PRKAG2: variants seen among roughly 807,000 people sequenced by gnomAD.
PRKAG2 encodes the protein protein kinase AMP-activated non-catalytic subunit gamma 2.
Under a neutral mutation model 69.6 loss-of-function variants are expected in PRKAG2, and 26 were observed. The observed-to-expected ratio is 0.37, with a 90% CI of 0.27 to 0.52. The LOEUF (loss-of-function observed/expected upper bound fraction) is 0.52, where lower values mean the gene tolerates loss of function less well. PRKAG2 is among the 20% of genes least tolerant of loss of function. The pLI is 0.90. For synonymous variants in PRKAG2, 293 were observed against 285.0 expected (o/e 1.03, Z -0.28); for missense variants, 557 against 740.0 (o/e 0.75, Z 2.87).
chr7:151,772,275 C>T (rs1196137772), intron 3 of PRKAG2, among the ~76,000 whole-genome samples: 1 of 152,210 alleles, frequency 6.6e-6, no homozygotes, highest in Non-Finnish European at 1.5e-5. Flanking sequence ...ATGCCCCTTT[C>T]AGGGGGTCAT....
rs891285884 is a variant in PRKAG2 at position 151,614,915 on chromosome 7, C to T, written c.754+17154G>A. On this transcript the variant is annotated intron_variant, in intron 5 of 15. Transcript: ENST00000287878. The surrounding 1 kb of genome is among the most constrained non-coding windows in gnomAD (Gnocchi z 4.4). Reference sequence around the variant, plus strand: ...GGCCATGTGGATCCAGAGGGAACCTCGAGAGAGGAGCCGTGTGGATCTAGA... The same window carrying T: ...GGCCATGTGGATCCAGAGGGAACCTTGAGAGAGGAGCCGTGTGGATCTAGA... Among the ~76,000 whole-genome samples, 3 of 152,196 alleles carry T rather than the reference C, an allele frequency of 2.0e-5. No homozygotes were observed. The highest frequency in any genetic ancestry group is 1.9e-4 in the East Asian group (1 of 5,192).
At chr7:151,715,847 G>A (rs1774552225) in intron 3 of PRKAG2, among the ~76,000 whole-genome samples, 2 of 152,126 alleles carry the variant, frequency 1.3e-5, no homozygotes, top group African/African-American at 2.4e-5. Flanking sequence ...GGCGGGGCGG[G>A]GCAAGGAGCC....
intron 1 of PRKAG2, among the ~76,000 whole-genome samples, chr7:151,872,923 G>A (rs1168032844): frequency 6.6e-6 from 1 of 152,238 alleles, no homozygotes; most frequent in Non-Finnish European, 1.5e-5. Context: ...TGGTCTTCAA[G>A]GCAGCATTGC....
At chr7:151,827,176 T>C (rs1023381841) in intron 1 of PRKAG2, among the ~76,000 whole-genome samples, 6 of 152,150 alleles carry the variant, frequency 3.9e-5, no homozygotes, top group Non-Finnish European at 8.8e-5. Flanking sequence ...GGTCTCAGAG[T>C]TTCTCATTTA....
intron 1 of PRKAG2, among the ~76,000 whole-genome samples, chr7:151,847,309 G>A (rs929617630): frequency 1.8e-4 from 27 of 152,160 alleles, no homozygotes; most frequent in Non-Finnish European, 2.9e-5. Flanking sequence ...CTGAGCTGCC[G>A]GTAATTTTCC....
intron 3 of PRKAG2, among the ~76,000 whole-genome samples, chr7:151,732,114 C>T (rs767471666): frequency 2.7e-5 from 4 of 146,542 alleles, no homozygotes; most frequent in Non-Finnish European, 5.9e-5. Context: ...GGATCACAGG[C>T]ATGAGCCACA....
At chr7:151,843,147 C>CT (rs1252401081) in intron 1 of PRKAG2, among the ~76,000 whole-genome samples, 2 of 151,694 alleles carry the variant, frequency 1.3e-5, no homozygotes, top group African/African-American at 4.9e-5. Context: ...TTCCAAGCCC[C>CT]AGTGTACCTA....
chr7:151,870,154 T>TAGATAGGCAGGCAGGCAGGC (rs1159760978), intron 1 of PRKAG2, among the ~76,000 whole-genome samples: 7 of 138,436 alleles, frequency 5.1e-5, no homozygotes, highest in African/African-American at 1.7e-4. Context: ...GATAGATAGA[T>TAGATAGGCAGGCAGGCAGGC]AGGCAGGCAG....
intron 1 of PRKAG2, among the ~76,000 whole-genome samples, chr7:151,826,694 T>C (rs1439975109): frequency 6.6e-6 from 1 of 152,182 alleles, no homozygotes; most frequent in Non-Finnish European, 1.5e-5. Flanking sequence ...ATTAAACAAA[T>C]ACTAGACGTG....
chr7:151,694,020 C>T (rs1307900221), intron 3 of PRKAG2, among the ~76,000 whole-genome samples: 1 of 152,110 alleles, frequency 6.6e-6, no homozygotes, highest in Non-Finnish European at 1.5e-5. Flanking sequence ...TACAGTTGCT[C>T]ACCACCACAC....
intron 4 of PRKAG2, among the ~76,000 whole-genome samples, chr7:151,659,956 G>A (rs897466951): frequency 2.6e-5 from 4 of 152,230 alleles, no homozygotes; most frequent in Non-Finnish European, 4.4e-5. Context: ...CTACTCGGGA[G>A]GCCGAGGTGG....
chr7:151,570,529 G>A (rs1807296740), intron 9 of PRKAG2, among the ~76,000 whole-genome samples: 1 of 152,114 alleles, frequency 6.6e-6, no homozygotes. Flanking sequence ...TACCAGCAGA[G>A]GTCACTAGAA....
intron 1 of PRKAG2, among the ~76,000 whole-genome samples, chr7:151,847,804 C>G (rs942336864): frequency 4.2e-4 from 64 of 152,334 alleles, no homozygotes; most frequent in South Asian, 1.7e-3. Context: ...AGGAGGCCAC[C>G]CTGTGAGGTT....
At chr7:151,578,671 A>C (rs1463833817) in intron 6 of PRKAG2, among the ~76,000 whole-genome samples, 1 of 152,224 alleles carries the variant, frequency 6.6e-6, no homozygotes, top group African/African-American at 2.4e-5. Flanking sequence ...GACGATGAGG[A>C]AATGAGTAGA....
intron 4 of PRKAG2, among the ~76,000 whole-genome samples, chr7:151,664,776 T>C (rs1414366960): frequency 6.6e-6 from 1 of 152,212 alleles, no homozygotes; most frequent in East Asian, 1.9e-4. Flanking sequence ...TTCACTCTAG[T>C]GAACATCTCA....
At chr7:151,737,975 G>A (rs1452994162) in intron 3 of PRKAG2, among the ~76,000 whole-genome samples, 1 of 91,238 alleles carries the variant, frequency 1.1e-5, no homozygotes, top group Admixed American at 1.2e-4. Context: ...GAGATGCCCA[G>A]ATCTGCCACT....
At chr7:151,705,457 G>A (rs1434784822) in intron 3 of PRKAG2, among the ~76,000 whole-genome samples, 1 of 152,152 alleles carries the variant, frequency 6.6e-6, no homozygotes, top group East Asian at 1.9e-4. Context: ...TGCCGAACAC[G>A]CAGCCGGCAT....
At chr7:151,715,861 G>T (rs557959516) in intron 3 of PRKAG2, among the ~76,000 whole-genome samples, 1 of 152,276 alleles carries the variant, frequency 6.6e-6, no homozygotes, top group South Asian at 2.1e-4. Flanking sequence ...AGGAGCCTTG[G>T]TGCGGGACTC....
At chr7:151,795,314 C>T (rs912902110) in intron 1 of PRKAG2, among the ~76,000 whole-genome samples, 3 of 152,182 alleles carry the variant, frequency 2.0e-5, no homozygotes, top group African/African-American at 7.2e-5. Context: ...ATGGTCTGTG[C>T]AGCCGTCTCC....
Sources: allele counts gnomAD v4.1 joint callset (sites outside exome capture counted in the v4.1 genomes callset), GRCh38; gene constraint gnomAD v4.1.1; non-coding constraint Gnocchi (gnomAD v3.1); transcripts MANE v1.5; gene names NCBI Gene and HGNC (gene_info 2026-07-23, HGNC 2026-07-21).